BCL2L1: variants seen among roughly 807,000 people sequenced by gnomAD.
BCL2L1 encodes the protein BCL2 like 1, also known as bcl-2-like protein 1.
In BCL2L1, 1 loss-of-function variant was observed where a neutral mutation model predicts 18.7. The observed-to-expected ratio is 0.05, with a 90% CI of 0.02 to 0.25. The LOEUF (loss-of-function observed/expected upper bound fraction) is 0.25. BCL2L1 is among the 10% of genes least tolerant of loss of function. The pLI, the probability that BCL2L1 is intolerant of heterozygous loss-of-function variation, is 1.00. For synonymous variants in BCL2L1, 103 were observed against 122.7 expected (o/e 0.84, Z 1.06); for missense variants, 207 against 304.9 (o/e 0.68, Z 2.39).
intron 2 of BCL2L1, among the ~76,000 whole-genome samples, chr20:31,673,701 C>T (rs2060711821): frequency 6.6e-6 from 1 of 152,116 alleles, no homozygotes; most frequent in African/African-American, 2.4e-5. Flanking sequence ...ATTATGACAG[C>T]TGACCATTAC....
chr20:31,690,506 G>C (rs985500838), intron 2 of BCL2L1, among the ~76,000 whole-genome samples: 9 of 151,892 alleles, frequency 5.9e-5, no homozygotes, highest in African/African-American at 2.2e-4. Flanking sequence ...GATTTCATCT[G>C]TTCCCCAACC....
intron 2 of BCL2L1, among the ~76,000 whole-genome samples, chr20:31,690,342 C>T (rs1020826858): frequency 2.6e-5 from 4 of 152,264 alleles, no homozygotes; most frequent in Middle Eastern, 3.4e-3. Context: ...CCTTCCACCT[C>T]AGCCTCCCAA....
At chr20:31,666,850 G>A (rs1286110937) in intron 2 of BCL2L1, among the ~76,000 whole-genome samples, 2 of 152,170 alleles carry the variant, frequency 1.3e-5, no homozygotes, top group African/African-American at 2.4e-5. Context: ...ACAGCCCTCT[G>A]CCCTGAATCT....
intron 2 of BCL2L1, among the ~76,000 whole-genome samples, chr20:31,695,522 AG>A (rs1440430961): frequency 2.0e-5 from 3 of 152,202 alleles, no homozygotes; most frequent in Non-Finnish European, 4.4e-5. Context: ...ACTAGAGTGG[AG>A]GGACAGGATC....
chr20:31,692,189 T>A (rs911196968), intron 2 of BCL2L1, among the ~76,000 whole-genome samples: 1 of 152,236 alleles, frequency 6.6e-6, no homozygotes, highest in Non-Finnish European at 1.5e-5. Context: ...TCCAGGTGAT[T>A]CTGATGGGCA....
At chr20:31,716,320 G>A (rs1439314353) in intron 2 of BCL2L1, among the ~76,000 whole-genome samples, 1 of 152,002 alleles carries the variant, frequency 6.6e-6, no homozygotes, top group Admixed American at 6.6e-5. Context: ...TGCTAGACAT[G>A]CCCTATGCCC....
intron 2 of BCL2L1, among the ~76,000 whole-genome samples, chr20:31,693,467 A>G (rs899901941): frequency 2.0e-5 from 3 of 151,792 alleles, no homozygotes; most frequent in Non-Finnish European, 4.4e-5. Flanking sequence ...AGAACTCAGG[A>G]GTATGGATGG....
At chr20:31,708,029 C>T (rs1270777251) in intron 2 of BCL2L1, among the ~76,000 whole-genome samples, 1 of 152,144 alleles carries the variant, frequency 6.6e-6, no homozygotes, top group African/African-American at 2.4e-5. Flanking sequence ...GAGTGGGGGG[C>T]CTCCAGAGCC....
intron 2 of BCL2L1, among the ~76,000 whole-genome samples, chr20:31,712,260 G>A (rs189440012): frequency 6.6e-6 from 1 of 152,172 alleles, no homozygotes; most frequent in Non-Finnish European, 1.5e-5. Flanking sequence ...CGTTTAAAAG[G>A]GGGAGGTTGG....
intron 2 of BCL2L1, among the ~76,000 whole-genome samples, chr20:31,711,851 A>G (rs947655677): frequency 5.3e-5 from 8 of 152,234 alleles, no homozygotes; most frequent in Non-Finnish European, 1.0e-4. Context: ...AAGTATTATC[A>G]TGCACATAAA....
At chr20:31,676,204 C>T (rs2060756707) in intron 2 of BCL2L1, among the ~76,000 whole-genome samples, 1 of 152,108 alleles carries the variant, frequency 6.6e-6, no homozygotes, top group Non-Finnish European at 1.5e-5. Context: ...TCCCTGGAAC[C>T]GATGGAGATA....
chr20:31,676,636 C>A (rs1452655613), intron 2 of BCL2L1, among the ~76,000 whole-genome samples: 3 of 152,116 alleles, frequency 2.0e-5, no homozygotes, highest in African/African-American at 7.2e-5. Flanking sequence ...GGAACAGAGT[C>A]GGAGACTCCA....
chr20:31,718,955 AG>A (rs371671861), intron 2 of BCL2L1, among the ~76,000 whole-genome samples: 15 of 152,204 alleles, frequency 9.9e-5, no homozygotes, highest in African/African-American at 3.4e-4. Flanking sequence ...TAGGATGAAA[AG>A]TGTTGGCTTT....
intron 2 of BCL2L1, chr20:31,686,265 G>C (rs569247850): frequency 6.6e-6 from 1 of 152,326 alleles, no homozygotes; most frequent in South Asian, 2.1e-4. Flanking sequence ...CAAAATGGAG[G>C]TGGTTCAAAC....
At chr20:31,675,854 G>A (rs2060750418) in intron 2 of BCL2L1, among the ~76,000 whole-genome samples, 1 of 152,180 alleles carries the variant, frequency 6.6e-6, no homozygotes, top group South Asian at 2.1e-4. Context: ...GGAATATTTG[G>A]TGGTATCCTC....
intron 2 of BCL2L1, among the ~76,000 whole-genome samples, chr20:31,673,344 G>A (rs1431001123): frequency 6.6e-6 from 1 of 151,864 alleles, no homozygotes; most frequent in Admixed American, 6.6e-5. Flanking sequence ...AAAGTGCTAG[G>A]ATTAAAGACA....
At chr20:31,679,234 G>A (rs2060815515) in intron 2 of BCL2L1, among the ~76,000 whole-genome samples, 1 of 152,170 alleles carries the variant, frequency 6.6e-6, no homozygotes, top group South Asian at 2.1e-4. Flanking sequence ...CCAGAGGTGT[G>A]CTGTTCACAG....
At position 31,722,227 on chromosome 20, in the gene BCL2L1, T is replaced by C. The variant is rs1445903703; in HGVS notation, c.-9A>G. ...CGGTTGCTCTGAGACATTTTTATAA[T>C]AGGGATGGGCTCAACCAGTCCATTG... On this transcript the variant is annotated 5_prime_UTR_variant, in exon 2 of 3. Transcript: ENST00000307677. 7 of 1,490,726 alleles carry C rather than the reference T, an allele frequency of 4.7e-6. No homozygotes were observed. The Admixed American group carries it at 9.2e-5, about 19-fold the overall frequency. 92.3% of individuals were successfully genotyped at this position (1,490,726 alleles called of 1,614,324 possible).
upstream of BCL2L1, chr20:31,723,508 G>A: frequency 3.0e-6 from 3 of 985,336 alleles, no homozygotes; most frequent in Non-Finnish European, 3.6e-6. Flanking sequence ...GCGGCCTAGC[G>A]GCTTCTCGAG....
Sources: gnomAD v4.1 joint callset for allele counts (sites outside exome capture counted in the v4.1 genomes callset) on GRCh38, gnomAD v4.1.1 for gene constraint, MANE v1.5 for transcripts, NCBI Gene and HGNC (gene_info 2026-07-23, HGNC 2026-07-21) for gene names.